The following MICAL3 variants were observed in gnomAD, a reference collection of about 807,000 sequenced individuals.
The protein encoded by MICAL3 is [F-actin]-monooxygenase MICAL3.
Under a neutral mutation model 207.4 loss-of-function variants are expected in MICAL3, and 62 were observed. That is an observed-to-expected ratio of 0.30 (90% CI 0.24 to 0.37). The LOEUF (loss-of-function observed/expected upper bound fraction) is 0.37, where lower values mean the gene tolerates loss of function less well. MICAL3 is among the 10% of genes least tolerant of loss of function. The pLI is 1.00. For missense variants in MICAL3, 2,368 were observed against 2,635.6 expected (o/e 0.90, Z 2.22); for synonymous variants, 1,077 against 1,069.3 (o/e 1.01, Z -0.14).
At chr22:17,986,519 C>CA (rs908196445) in intron 1 of MICAL3, among the ~76,000 whole-genome samples, 97 of 143,272 alleles carry the variant, frequency 6.8e-4, no homozygotes, top group Middle Eastern at 3.7e-3. Context: ...GAATCTGTCT[C>CA]AAAAAAAAAA....
chr22:18,002,939 G>A (rs538428941), intron 1 of MICAL3, among the ~76,000 whole-genome samples: 2 of 152,204 alleles, frequency 1.3e-5, no homozygotes, highest in South Asian at 2.1e-4. Context: ...GGCAGATCAC[G>A]AGGTCAGGAG....
At chr22:17,913,126 G>C (rs1932245921) in intron 1 of MICAL3, among the ~76,000 whole-genome samples, 1 of 152,090 alleles carries the variant, frequency 6.6e-6, no homozygotes, top group Non-Finnish European at 1.5e-5. Context: ...GGATGGAGAG[G>C]AAACATGAAG....
chr22:17,970,706 T>C (rs1441473476), intron 1 of MICAL3, among the ~76,000 whole-genome samples: 1 of 152,048 alleles, frequency 6.6e-6, no homozygotes, highest in Non-Finnish European at 1.5e-5. Flanking sequence ...TGAATTGGGG[T>C]TGGTGAGAAA....
At chr22:17,806,931 A>G (rs1392911621) in intron 29 of MICAL3, among the ~76,000 whole-genome samples, 1 of 152,242 alleles carries the variant, frequency 6.6e-6, no homozygotes, top group Non-Finnish European at 1.5e-5. Flanking sequence ...GGCCCGTGAC[A>G]GGGGCGTCGA....
intron 19 of MICAL3, among the ~76,000 whole-genome samples, chr22:17,852,198 A>T (rs1925410251): frequency 6.6e-6 from 1 of 152,194 alleles, no homozygotes; most frequent in Admixed American, 6.5e-5. Flanking sequence ...TTTCTTTTAA[A>T]GACACAAAAT....
intron 1 of MICAL3, among the ~76,000 whole-genome samples, chr22:17,985,198 G>A (rs891542512): frequency 2.6e-5 from 4 of 152,186 alleles, no homozygotes; most frequent in African/African-American, 9.7e-5. Flanking sequence ...GGGTGTGCCT[G>A]GAGCACGGGA....
At chr22:17,976,361 G>C (rs365219) in intron 1 of MICAL3, among the ~76,000 whole-genome samples, 89,912 of 151,470 alleles carry the variant, frequency 0.59, 27,261 homozygotes, top group Middle Eastern at 0.72. Context: ...AGCACTGCCC[G>C]ATTTTCTTGG....
At chr22:17,882,059 G>C (rs998083504) in intron 16 of MICAL3, among the ~76,000 whole-genome samples, 5 of 152,200 alleles carry the variant, frequency 3.3e-5, no homozygotes, top group African/African-American at 1.2e-4. Flanking sequence ...AGGGAGCCGG[G>C]GAGCAGGGAA....
intron 1 of MICAL3, among the ~76,000 whole-genome samples, chr22:17,970,971 C>A (rs895840524): frequency 6.6e-6 from 1 of 152,070 alleles, no homozygotes; most frequent in Non-Finnish European, 1.5e-5. Flanking sequence ...TGCTTGAGCT[C>A]AGGAGTTCGA....
At chr22:17,899,824 A>G (rs75104097) in intron 6 of MICAL3, among the ~76,000 whole-genome samples, 1,643 of 151,086 alleles carry the variant, frequency 0.011, 32 homozygotes, top group African/African-American at 0.038. Flanking sequence ...GAAACAAGCA[A>G]AAAAAAAAGA....
At chr22:17,966,537 G>A (rs1286859174) in intron 1 of MICAL3, among the ~76,000 whole-genome samples, 2 of 152,288 alleles carry the variant, frequency 1.3e-5, no homozygotes, top group South Asian at 2.1e-4. Flanking sequence ...GAAGAACCAT[G>A]ACCAATCCTC....
rs1253568364 is a variant in MICAL3, at chr22:17,796,944, A to G, written c.5651-5643T>C. Among the ~76,000 whole-genome samples the G allele has an allele frequency of 6.6e-6, 1 of 151,784 alleles. No individual in the cohort carries two copies. Among genetic ancestry groups the G allele is most frequent in the Non-Finnish European group, 1.5e-5 (1 of 67,934 alleles). On this transcript the variant is annotated intron_variant, in intron 29 of 31. Transcript: ENST00000441493. The surrounding 1 kb of genome is among the most constrained non-coding windows in gnomAD (Gnocchi z 4.4). Reference sequence around the variant, plus strand: ...GGGAAAGAGTGGCCAGCTGTAGGGCAGGTCCCCTTCTCTGTACTTGTACTT... The same window carrying G: ...GGGAAAGAGTGGCCAGCTGTAGGGCGGGTCCCCTTCTCTGTACTTGTACTT...
intron 1 of MICAL3, among the ~76,000 whole-genome samples, chr22:17,991,639 G>A (rs1439196593): frequency 6.6e-6 from 1 of 152,146 alleles, no homozygotes; most frequent in Non-Finnish European, 1.5e-5. Flanking sequence ...CAGAGATCAG[G>A]TGTTTAACTC....
intron 1 of MICAL3, chr22:17,983,501 C>G (rs1048663088): frequency 2.0e-5 from 3 of 148,964 alleles, no homozygotes; most frequent in African/African-American, 7.6e-5. Context: ...GAACCCTGTG[C>G]GCCCCAAGGA....
chr22:17,797,511 A>G (rs2145958514), intron 29 of MICAL3, among the ~76,000 whole-genome samples: 1 of 152,242 alleles, frequency 6.6e-6, no homozygotes, highest in African/African-American at 2.4e-5. Context: ...TAAATAAGTA[A>G]TAATAGCCCA....
At chr22:17,861,114 T>C (rs1569099340) in intron 19 of MICAL3, 9 of 985,404 alleles carry the variant, frequency 9.1e-6, no homozygotes, top group Non-Finnish European at 8.4e-6. Flanking sequence ...TTTCCATAAA[T>C]GCCTAGAAGG....
At chr22:17,949,076 G>A (rs2146353838) in intron 1 of MICAL3, among the ~76,000 whole-genome samples, 1 of 150,478 alleles carries the variant, frequency 6.6e-6, no homozygotes, top group Non-Finnish European at 1.5e-5. Flanking sequence ...CATACATGGT[G>A]GCATGTGCCT....
At chr22:17,807,250 G>A (rs1378500325) in intron 29 of MICAL3, among the ~76,000 whole-genome samples, 4 of 152,222 alleles carry the variant, frequency 2.6e-5, no homozygotes, top group Non-Finnish European at 4.4e-5. Context: ...CCATAGGCCC[G>A]GACGCAGTCG....
chr22:17,864,299 C>T (rs1926825134), intron 19 of MICAL3: 2 of 1,087,520 alleles, frequency 1.8e-6, no homozygotes, highest in Admixed American at 9.3e-5. Context: ...AGCCCAGTGG[C>T]CAAGGGGTCA....
Sources: gnomAD v4.1 joint callset for allele counts (sites outside exome capture counted in the v4.1 genomes callset) on GRCh38, gnomAD v4.1.1 for gene constraint, Gnocchi (gnomAD v3.1) non-coding constraint, MANE v1.5 for transcripts, NCBI Gene and HGNC (gene_info 2026-07-23, HGNC 2026-07-21) for gene names.